ZMYM6: variants seen among roughly 807,000 people sequenced by gnomAD.
The protein encoded by ZMYM6 is zinc finger MYM-type protein 6.
In ZMYM6, 90 loss-of-function variants were observed where a neutral mutation model predicts 134.0. The observed-to-expected ratio is 0.67, with a 90% CI of 0.57 to 0.80. The LOEUF (loss-of-function observed/expected upper bound fraction) is 0.80. Among genes scored for constraint, ZMYM6 ranks in the 30% least tolerant of loss-of-function variants. The pLI is 0.00. For synonymous variants in ZMYM6, 481 were observed against 524.1 expected, an observed-to-expected ratio of 0.92 and a Z score of 1.12; for missense variants, 1,362 against 1,533.9, an observed-to-expected ratio of 0.89 and a Z score of 1.87.
At chr1:35,003,180 C>CAAAAAAAA (rs202093628) in intron 14 of ZMYM6, among the ~76,000 whole-genome samples, 2 of 63,012 alleles carry the variant, frequency 3.2e-5, no homozygotes, top group Non-Finnish European at 3.9e-5. Context: ...GACCCTGTCT[C>CAAAAAAAA]AAAAAAAAAA....
chr1:35,019,241 A>G (rs773740361), intron 4 of ZMYM6, 112 bp downstream of exon 4: 36 of 1,457,220 alleles, frequency 2.5e-5, no homozygotes, highest in Non-Finnish European at 3.3e-5. Flanking sequence ...CTAAAAAGTT[A>G]TTTCTACAGA....
intron 13 of ZMYM6, 30 bp downstream of exon 13, chr1:35,005,102 T>G: frequency 6.2e-7 from 1 of 1,612,764 alleles, no homozygotes. Flanking sequence ...CTTCTATGGC[T>G]TAGCCAAATG....
chr1:34,994,017 A>T (rs1340617239), intron 14 of ZMYM6, among the ~76,000 whole-genome samples: 1 of 152,180 alleles, frequency 6.6e-6, no homozygotes, highest in Non-Finnish European at 1.5e-5. Flanking sequence ...AAAAAAAAAA[A>T]AAACTTCTGT....
Position 35,002,883 on chromosome 1 carries a change from C to A in ZMYM6, c.1992+1085G>T, listed in dbSNP as rs559652372. Among the ~76,000 whole-genome samples the A allele has an allele frequency of 5.9e-5, 9 of 152,194 alleles. No homozygotes were observed. The East Asian group carries it at 1.5e-3, about 26-fold the overall frequency. ...ATATCAAGAGCAAATGTTAGGACAG[C>A]AGCACAAGCTGGGCACCATCGGCTC... On this transcript the variant is annotated intron_variant, in intron 14 of 15. Transcript: ENST00000357182.
Position 35,005,144 on chromosome 1 carries a change from T to A in ZMYM6, c.1942A>T (p.Ser648Cys), listed in dbSNP as rs750216523. 9 of 1,613,996 alleles carry A rather than the reference T, an allele frequency of 5.6e-6. No homozygotes were observed. The highest frequency in any genetic ancestry group is 1.1e-5 in the South Asian group (1 of 91,076). ...PATLSTGNTNSVLKGAVTKEA... is the reference protein window; with the variant it reads ...PATLSTGNTNCVLKGAVTKEA... ...TATCAAGTCATACCTTTTAAAACACTGTTAGTGTTCCCTGTAGATAAGGTA... is the reference window on the plus strand; with the variant it reads ...TATCAAGTCATACCTTTTAAAACACAGTTAGTGTTCCCTGTAGATAAGGTA... The change falls in exon 13 of 16, where the codon AGT becomes TGT. Residue 648 changes from serine (S) to cysteine (C), a missense_variant. This residue lies in a region of ZMYM6 where 824 missense variants were observed against 940.9 expected (regional missense o/e 0.88). Transcript: ENST00000357182.
Position 35,020,463 on chromosome 1 carries a change from T to G in ZMYM6, c.98A>C (p.Tyr33Ser), listed in dbSNP as rs1254482593. The change falls in exon 3 of 16, where the codon TAT (tyrosine) becomes TCT (serine). Residue 33 changes from tyrosine to serine, a missense_variant. Tyr to Ser is a moderately radical substitution (Grantham distance 144). Coordinates refer to ENST00000357182, the MANE Select transcript of ZMYM6 (RefSeq NM_007167.4). Reference protein sequence around the residue: ...IKEEPDNAQEYGCVQQPKTQE... With the variant: ...IKEEPDNAQESGCVQQPKTQE... ...AGTTTTTGGCTGTTGGACACATCCA[T>G]ACTCCTTTAAAAAAAAAAAGAAAAG... 6.4e-7 allele frequency: 1 copy of G among 1,572,210 alleles called. No homozygotes were observed. Among genetic ancestry groups the G allele is most frequent in the Admixed American group, 1.9e-5 (1 of 52,982 alleles).
chr1:35,023,766 C>T (rs931579462), intron 2 of ZMYM6, among the ~76,000 whole-genome samples: 4 of 151,630 alleles, frequency 2.6e-5, no homozygotes, highest in African/African-American at 9.7e-5. Context: ...GGACTACAGG[C>T]GCCCACCACC....
chr1:35,027,055 C>G (rs1641427332), intron 2 of ZMYM6, among the ~76,000 whole-genome samples: 1 of 152,114 alleles, frequency 6.6e-6, no homozygotes, highest in Admixed American at 6.5e-5. Context: ...GAGTGAGAAA[C>G]TTCATCTTAA....
At chr1:35,008,038 T>C (rs994153673) in intron 11 of ZMYM6, among the ~76,000 whole-genome samples, 13 of 152,302 alleles carry the variant, frequency 8.5e-5, no homozygotes, top group Non-Finnish European at 1.6e-4. Context: ...GCCCTAATTA[T>C]ATAATCATGA....
intron 4 of ZMYM6, chr1:35,017,249 TAAC>T (rs1376536757): frequency 1.3e-5 from 2 of 152,048 alleles, no homozygotes; most frequent in Admixed American, 1.3e-4. Flanking sequence ...CATGAGAAAA[TAAC>T]AACAACAAAA....
rs760628434 is a variant in ZMYM6 at position 34,992,081 on chromosome 1, G to A, written c.2146+153C>T. 18 of 934,702 alleles carry A rather than the reference G, an allele frequency of 1.9e-5. No individual in the cohort carries two copies. In the South Asian group the frequency reaches 2.3e-4, roughly 12 times the overall value. The allele number at this position is 934,702 out of a possible 1,614,324, so 57.9% of individuals were successfully genotyped here. On this transcript the variant is annotated intron_variant, in intron 15 of 15. Coordinates refer to ENST00000357182, the MANE Select transcript of ZMYM6 (RefSeq NM_007167.4). The stretch of plus-strand genomic sequence containing the variant: ...GTTATTAGTGTTAATAATTATGAAA[G>A]CAATAAATTAAGTATTCAAAGCATG...
In ZMYM6 at chr1:34,995,773, A is replaced by G. The variant is rs982720041; in HGVS notation, c.1993-3386T>C. ...TCCATTTAATATTTTCAAGCCACAG[A>G]TAAGTGGCACTACTATATATCCTTC... On this transcript the variant is annotated intron_variant, in intron 14 of 15. Transcript: ENST00000357182. Among the ~76,000 whole-genome samples the G allele has an allele frequency of 2.0e-5, 3 of 152,242 alleles. No individual in the cohort carries two copies. The East Asian group carries it at 5.8e-4, about 29-fold the overall frequency.
At chr1:34,996,506 G>T (rs1640786940) in intron 14 of ZMYM6, among the ~76,000 whole-genome samples, 1 of 152,066 alleles carries the variant, frequency 6.6e-6, no homozygotes, top group Non-Finnish European at 1.5e-5. Context: ...TATCCTTAGA[G>T]GCAACCACTA....
At chr1:35,029,430 A>C (rs1641476480) in intron 2 of ZMYM6, among the ~76,000 whole-genome samples, 1 of 151,956 alleles carries the variant, frequency 6.6e-6, no homozygotes. Flanking sequence ...CATCTGTAAA[A>C]TGGGGATAAT....
chr1:34,998,556 CAGAT>C (rs1192348999), intron 14 of ZMYM6, among the ~76,000 whole-genome samples: 1 of 152,092 alleles, frequency 6.6e-6, no homozygotes, highest in African/African-American at 2.4e-5. Flanking sequence ...AGCAGGAAGA[CAGAT>C]AGGTCACTGC....
At chr1:35,024,954 C>T (rs1204708161) in intron 2 of ZMYM6, among the ~76,000 whole-genome samples, 3 of 151,960 alleles carry the variant, frequency 2.0e-5, no homozygotes, top group Non-Finnish European at 4.4e-5. Context: ...CTGCAGCCTC[C>T]GCCTCCTGGG....
intron 2 of ZMYM6, among the ~76,000 whole-genome samples, chr1:35,029,931 A>G (rs1641487244): frequency 6.6e-6 from 1 of 152,200 alleles, no homozygotes. Context: ...CTAACATATA[A>G]GCTCTACAAG....
intron 14 of ZMYM6, among the ~76,000 whole-genome samples, chr1:35,001,456 TA>T (rs1557566097): frequency 1.3e-5 from 2 of 152,098 alleles, no homozygotes; most frequent in African/African-American, 4.8e-5. Context: ...TATATGTTCC[TA>T]AAAAACTAAA....
At chr1:35,029,605 T>C (rs1406318677) in intron 2 of ZMYM6, among the ~76,000 whole-genome samples, 3 of 152,246 alleles carry the variant, frequency 2.0e-5, no homozygotes, top group Admixed American at 1.3e-4. Context: ...ACCATTTTCA[T>C]ACCTTTTCTG....
Sources: gnomAD v4.1 joint callset for allele counts (sites outside exome capture counted in the v4.1 genomes callset) on GRCh38, gnomAD v4.1.1 for gene constraint, gnomAD v4.1.1 regional missense constraint, MANE v1.5 for transcripts, NCBI Gene and HGNC (gene_info 2026-07-23, HGNC 2026-07-21) for gene names.